The following XRCC5 variants were observed in gnomAD, a reference collection of about 807,000 sequenced individuals.
XRCC5 encodes X-ray repair cross complementing 5.
In XRCC5, 12 loss-of-function variants were observed where a neutral mutation model predicts 95.7. That is an observed-to-expected ratio of 0.13 (90% confidence interval 0.08 to 0.20). The LOEUF is 0.20. XRCC5 is among the 10% of genes least tolerant of loss of function. The pLI is 1.00. For missense variants in XRCC5, 595 were observed against 873.9 expected, an observed-to-expected ratio of 0.68 and a Z score of 4.02; for synonymous variants, 281 against 290.3, an observed-to-expected ratio of 0.97 and a Z score of 0.33.
chr2:216,134,082 G>GT (rs1697033807), intron 10 of XRCC5, among the ~76,000 whole-genome samples: 1 of 152,224 alleles, frequency 6.6e-6, no homozygotes, highest in Admixed American at 6.5e-5. Context: ...TTGTTTTCTT[G>GT]TAAGATGATC....
intron 12 of XRCC5, among the ~76,000 whole-genome samples, chr2:216,139,435 G>A (rs1489898810): frequency 6.6e-6 from 1 of 152,286 alleles, no homozygotes; most frequent in Middle Eastern, 3.4e-3. Flanking sequence ...AAACCCATCA[G>A]ATCTGGAGTG....
chr2:216,146,089 T>C (rs1283943795), intron 13 of XRCC5, among the ~76,000 whole-genome samples: 1 of 152,186 alleles, frequency 6.6e-6, no homozygotes, highest in Non-Finnish European at 1.5e-5. Flanking sequence ...TTGCTTTACA[T>C]TGAATAGGCC....
chr2:216,130,408 A>C (rs1176663490), intron 8 of XRCC5, among the ~76,000 whole-genome samples: 1 of 152,164 alleles, frequency 6.6e-6, no homozygotes, highest in Non-Finnish European at 1.5e-5. Context: ...TCTGTCAGGC[A>C]TTGCATATCT....
chr2:216,116,613 C>T (rs753832233), intron 2 of XRCC5, 46 bp from the exon 3 acceptor site: 1 of 1,611,222 alleles, frequency 6.2e-7, no homozygotes, highest in Non-Finnish European at 8.5e-7. Context: ...TTATTGCTTC[C>T]AGATTGTTCT....
intron 16 of XRCC5, among the ~76,000 whole-genome samples, chr2:216,165,127 CAT>C (rs1490349658): frequency 7.9e-5 from 12 of 152,220 alleles, no homozygotes; most frequent in African/African-American, 1.7e-4. Flanking sequence ...AATTCAAACA[CAT>C]GTCTCTTTCA....
At chr2:216,175,299 A>G in intron 16 of XRCC5, 1 of 448,128 alleles carries the variant, frequency 2.2e-6, no homozygotes, top group Admixed American at 2.6e-5. Flanking sequence ...CTACCACCAG[A>G]GCCTCCTCTT....
intron 14 of XRCC5, among the ~76,000 whole-genome samples, chr2:216,149,155 G>C (rs1688695960): frequency 6.6e-6 from 1 of 152,060 alleles, no homozygotes; most frequent in South Asian, 2.1e-4. Flanking sequence ...AAATACCCCA[G>C]TGGAGAAGTA....
chr2:216,205,298 A>G lies in XRCC5; in HGVS notation c.*96A>G, dbSNP rs547874427. The G allele has an allele frequency of 1.2e-5, 17 of 1,476,982 alleles. No homozygotes were observed. The highest frequency in any genetic ancestry group is 4.2e-5 in the African/African-American group (3 of 72,086). 91.5% of individuals were successfully genotyped at this position (1,476,982 alleles called of 1,614,324 possible). A position where few individuals can be genotyped will look rare whatever the true frequency, so the allele number is the denominator to read the frequency against. On this transcript the variant is annotated 3_prime_UTR_variant, in exon 21 of 21. Transcript: ENST00000392132. ...GGATGCGGCCATTCAAGGGGAGCCA[A>G]AATCTCAAGAAATTCCCAGCAGGTT...
intron 13 of XRCC5, among the ~76,000 whole-genome samples, chr2:216,142,432 G>A (rs1486888353): frequency 2.0e-5 from 3 of 152,122 alleles, no homozygotes; most frequent in Non-Finnish European, 2.9e-5. Flanking sequence ...CAAAGGAATT[G>A]GAAGGCAGAG....
chr2:216,192,617 C>G, intron 17 of XRCC5, 22 bp from the exon 18 acceptor site: 1 of 1,560,814 alleles, frequency 6.4e-7, no homozygotes, highest in South Asian at 1.2e-5. Context: ...GCTGCCTCCT[C>G]TACCCCAACT....
chr2:216,124,066 T>G (rs1203243535), intron 6 of XRCC5, among the ~76,000 whole-genome samples: 1 of 152,222 alleles, frequency 6.6e-6, no homozygotes, highest in Non-Finnish European at 1.5e-5. Flanking sequence ...ATTGAGTCCC[T>G]TAGTCATATT....
At position 216,139,404 on chromosome 2, in the gene XRCC5, GC is replaced by G. The variant is rs1194378926; in HGVS notation, c.1342+1226del. The stretch of plus-strand genomic sequence containing the variant: ...GGCAGCAAGAGAAAATGAGGAAGAA[GC>G]AAAAGTAGAAACCCCTGATAAACCC... On this transcript the variant is annotated intron_variant, in intron 12 of 20. Coordinates refer to ENST00000392132, the MANE Select transcript of XRCC5 (RefSeq NM_021141.4). Among the ~76,000 whole-genome samples, 3 of 152,014 alleles carry G rather than the reference GC, an allele frequency of 2.0e-5. No homozygotes were observed. In the East Asian group the frequency reaches 5.8e-4, roughly 29 times the overall value.
At chr2:216,111,343 G>A in intron 1 of XRCC5, 1 of 442,784 alleles carries the variant, frequency 2.3e-6, no homozygotes, top group Non-Finnish European at 4.5e-6. Context: ...GCAACACAGT[G>A]AGACCCCAAC....
chr2:216,160,537 C>CT lies in XRCC5; in HGVS notation c.1764+379dup, dbSNP rs1688933122. ...GTACACACAATTTAAGTTAGTATAA[C>CT]TTTCCTATTTTCTAACATGCAACTT... On this transcript the variant is annotated intron_variant, in intron 15 of 20. Transcript: ENST00000392132. 2.0e-5 allele frequency among the ~76,000 whole-genome samples: 3 copies of CT among 152,178 alleles called. No homozygotes were observed. The South Asian group carries it at 6.2e-4, about 32-fold the overall frequency.
chr2:216,133,579 T>C (rs1697026753), intron 10 of XRCC5, among the ~76,000 whole-genome samples: 1 of 152,240 alleles, frequency 6.6e-6, no homozygotes. Flanking sequence ...CAAAGTTGTG[T>C]TGAGACACAC....
At chr2:216,112,875 CATTCTT>C in intron 1 of XRCC5, 135 bp from the exon 2 acceptor site, 1 of 626,656 alleles carries the variant, frequency 1.6e-6, no homozygotes, top group South Asian at 1.9e-5. Context: ...GTCTTACACA[CATTCTT>C]ATGTAGAACA....
intron 2 of XRCC5, among the ~76,000 whole-genome samples, chr2:216,115,192 A>G (rs1278721190): frequency 2.6e-5 from 4 of 152,138 alleles, no homozygotes; most frequent in South Asian, 4.1e-4. Flanking sequence ...CTTCGAGAAG[A>G]CCAAGAACCG....
At chr2:216,183,747 A>C (rs1420688455) in intron 16 of XRCC5, among the ~76,000 whole-genome samples, 1 of 152,190 alleles carries the variant, frequency 6.6e-6, no homozygotes, top group Admixed American at 6.5e-5. Flanking sequence ...AGGTGGAAGA[A>C]CTGTAGGCTA....
intron 16 of XRCC5, among the ~76,000 whole-genome samples, chr2:216,177,088 C>T (rs989964021): frequency 1.3e-5 from 2 of 152,186 alleles, no homozygotes. Flanking sequence ...TGAATTTATT[C>T]AGACTTGTTC....
Sources: allele counts gnomAD v4.1 joint callset (sites outside exome capture counted in the v4.1 genomes callset), GRCh38; gene constraint gnomAD v4.1.1; transcripts MANE v1.5; gene names NCBI Gene and HGNC (gene_info 2026-07-23, HGNC 2026-07-21).